ASTN1: variants seen among roughly 807,000 people sequenced by gnomAD.
ASTN1 encodes astrotactin-1.
ASTN1 carries 41 observed loss-of-function variants against 140.7 expected under a neutral mutation model. That is an observed-to-expected ratio of 0.29 (90% confidence interval 0.23 to 0.38). ASTN1 has a LOEUF of 0.38. Among genes scored for constraint, ASTN1 ranks in the 10% least tolerant of loss-of-function variants. The pLI is 1.00. For synonymous variants in ASTN1, 640 were observed against 652.2 expected (o/e 0.98, Z 0.29); for missense variants, 1,479 against 1,678.8 (o/e 0.88, Z 2.08).
At chr1:177,148,417 CAAAAA>C (rs779226602) in intron 1 of ASTN1, among the ~76,000 whole-genome samples, 1 of 91,402 alleles carries the variant, frequency 1.1e-5, no homozygotes. Context: ...GACTCCGTCT[CAAAAA>C]AAAAAAAAAA....
intron 8 of ASTN1, among the ~76,000 whole-genome samples, chr1:176,971,760 C>T (rs555936795): frequency 1.8e-4 from 28 of 152,166 alleles, no homozygotes; most frequent in Non-Finnish European, 3.2e-4. Flanking sequence ...AGTATCATTA[C>T]ATAGCAGGTG....
intron 16 of ASTN1, among the ~76,000 whole-genome samples, chr1:176,932,195 T>C (rs77520121): frequency 0.016 from 2,365 of 152,278 alleles, 59 homozygotes; most frequent in African/African-American, 0.051. Context: ...AGAAGGGTTT[T>C]CAAGTCAGAG....
At position 176,862,220 on chromosome 1, in the gene ASTN1, AG is replaced by A. The variant is rs1667992835; in HGVS notation, c.*2063del. On this transcript the variant is annotated 3_prime_UTR_variant, in exon 23 of 23. Coordinates refer to ENST00000361833, the MANE Select transcript of ASTN1 (RefSeq NM_004319.3). Reference sequence around the variant, plus strand: ...TTCTGCTGATCTTTGCTTTGAAAGTAGGGGAATCTCTGAGGCAGGTGCATTA... The same window carrying A: ...TTCTGCTGATCTTTGCTTTGAAAGTAGGGAATCTCTGAGGCAGGTGCATTA... 4.1e-6 allele frequency: 4 copies of A among 985,350 alleles called. No individual in the cohort carries two copies. The highest frequency in any genetic ancestry group is 4.8e-6 in the Non-Finnish European group (4 of 829,962). The allele number at this position is 985,350 out of a possible 1,614,324, so 61.0% of individuals were successfully genotyped here.
At chr1:177,065,135 G>A (rs1186326368) in intron 1 of ASTN1, among the ~76,000 whole-genome samples, 1 of 152,172 alleles carries the variant, frequency 6.6e-6, no homozygotes, top group Non-Finnish European at 1.5e-5. Context: ...CTTTTTCACA[G>A]TGTACTGAAT....
chr1:177,092,507 G>A (rs555628899), intron 1 of ASTN1, among the ~76,000 whole-genome samples: 65 of 152,230 alleles, frequency 4.3e-4, no homozygotes, highest in Non-Finnish European at 7.5e-4. Flanking sequence ...AAACTTTGAC[G>A]AAGTCAAATT....
At chr1:176,889,819 G>A (rs1173978611) in intron 17 of ASTN1, among the ~76,000 whole-genome samples, 1 of 152,206 alleles carries the variant, frequency 6.6e-6, no homozygotes, top group African/African-American at 2.4e-5. Context: ...AGGGTCATAG[G>A]GTGGTGAAAA....
At chr1:177,122,432 T>C (rs1247187395) in intron 1 of ASTN1, among the ~76,000 whole-genome samples, 3 of 152,178 alleles carry the variant, frequency 2.0e-5, no homozygotes, top group Non-Finnish European at 4.4e-5. Context: ...ACGTACTTGA[T>C]TGCTGCTGGA....
downstream of ASTN1, chr1:176,857,658 C>A (rs1159987402): frequency 9.9e-6 from 6 of 605,022 alleles, no homozygotes; most frequent in Non-Finnish European, 1.8e-5. Flanking sequence ...AGCCTGTTGA[C>A]AAAGGAGTGT....
intron 1 of ASTN1, among the ~76,000 whole-genome samples, chr1:177,067,317 C>T (rs1678411269): frequency 6.6e-6 from 1 of 152,166 alleles, no homozygotes; most frequent in African/African-American, 2.4e-5. Context: ...GCTATCTCAG[C>T]AGCCATTATG....
intron 1 of ASTN1, among the ~76,000 whole-genome samples, chr1:177,154,679 A>T (rs1384360433): frequency 6.6e-6 from 1 of 152,174 alleles, no homozygotes; most frequent in Non-Finnish European, 1.5e-5. Context: ...ATACCAAAAA[A>T]AAAATAATAA....
At chr1:176,858,651 AAAC>A (rs1378439102), downstream of ASTN1, among the ~76,000 whole-genome samples, 7 of 152,358 alleles carry the variant, frequency 4.6e-5, no homozygotes, top group African/African-American at 1.7e-4. Flanking sequence ...AAACCAAGCT[AAAC>A]AACTAAACAA....
Position 176,869,011 on chromosome 1 carries a change from G to A in ASTN1, c.3480C>T (p.Ile1160=), listed in dbSNP as rs768616748. 4 of 1,589,640 alleles carry A rather than the reference G, an allele frequency of 2.5e-6. No homozygotes were observed. Among genetic ancestry groups the A allele is most frequent in the Non-Finnish European group, 2.6e-6 (3 of 1,167,612 alleles). ...DVKAQEIADK[I]YNLFNGYTSG... ...TAGTGTAGCCATTGAAGAGATTGTA[G>A]ATCTTGTCTGCTATTTCTGAGGAAG... Residue 1160 remains isoleucine, a synonymous_variant, in exon 22 of 23, where the codon ATC becomes ATT. Coordinates refer to ENST00000361833, the MANE Select transcript of ASTN1 (RefSeq NM_004319.3).
chr1:177,079,706 A>C (rs1679085752), intron 1 of ASTN1, among the ~76,000 whole-genome samples: 1 of 152,044 alleles, frequency 6.6e-6, no homozygotes. Context: ...CTACAAAGAC[A>C]CTTGAAAATA....
At chr1:176,970,377 G>A (rs907517637) in intron 8 of ASTN1, among the ~76,000 whole-genome samples, 4 of 152,124 alleles carry the variant, frequency 2.6e-5, no homozygotes, top group Non-Finnish European at 4.4e-5. Flanking sequence ...GTGCAGCAAG[G>A]GACTACTCTT....
intron 8 of ASTN1, among the ~76,000 whole-genome samples, chr1:176,979,104 T>C (rs1237941536): frequency 6.6e-6 from 1 of 152,224 alleles, no homozygotes; most frequent in East Asian, 1.9e-4. Context: ...CTGGAGCATG[T>C]ATGGTGAAGG....
intron 8 of ASTN1, among the ~76,000 whole-genome samples, chr1:176,965,871 GTCAC>G (rs1422690274): frequency 6.6e-6 from 1 of 152,192 alleles, no homozygotes; most frequent in Non-Finnish European, 1.5e-5. Flanking sequence ...ACGTTTTAAT[GTCAC>G]TCACTCAAAC....
intron 2 of ASTN1, among the ~76,000 whole-genome samples, chr1:177,049,240 C>T (rs1385954726): frequency 6.6e-6 from 1 of 152,142 alleles, no homozygotes; most frequent in Non-Finnish European, 1.5e-5. Flanking sequence ...CATAGCCCAC[C>T]TATGTGCTCC....
chr1:177,046,296 T>C (rs1025762028), intron 2 of ASTN1, among the ~76,000 whole-genome samples: 2 of 152,244 alleles, frequency 1.3e-5, no homozygotes, highest in African/African-American at 2.4e-5. Context: ...AGGTCATTTA[T>C]AACTTTGACT....
chr1:177,114,738 A>T (rs1680997874), intron 1 of ASTN1, among the ~76,000 whole-genome samples: 1 of 152,186 alleles, frequency 6.6e-6, no homozygotes, highest in African/African-American at 2.4e-5. Context: ...ATCACAGTTA[A>T]GATACACAAC....
Sources: allele counts gnomAD v4.1 joint callset (sites outside exome capture counted in the v4.1 genomes callset), GRCh38; gene constraint gnomAD v4.1.1; transcripts MANE v1.5; gene names NCBI Gene and HGNC (gene_info 2026-07-23, HGNC 2026-07-21).